The following BCAS3 variants were observed in gnomAD, a reference collection of about 807,000 sequenced individuals.
BCAS3 encodes BCAS3 microtubule associated cell migration factor.
Under a neutral mutation model 116.1 loss-of-function variants are expected in BCAS3, and 53 were observed. The ratio of observed to expected loss-of-function variants is 0.46; its 90% CI spans 0.37 to 0.57. BCAS3 has a LOEUF of 0.57. BCAS3 is among the 20% of genes least tolerant of loss of function. The pLI is 0.00. For synonymous variants in BCAS3, 391 were observed against 408.2 expected (o/e 0.96, Z 0.51); for missense variants, 917 against 1,165.4 (o/e 0.79, Z 3.10).
intron 7 of BCAS3, among the ~76,000 whole-genome samples, chr17:60,829,153 A>C (rs1568338170): frequency 6.6e-6 from 1 of 152,118 alleles, no homozygotes; most frequent in Non-Finnish European, 1.5e-5. Flanking sequence ...AGGAGAGTGA[A>C]ACAGTAAAAA....
chr17:60,865,233 A>G (rs1312313400), intron 7 of BCAS3, among the ~76,000 whole-genome samples: 2 of 152,186 alleles, frequency 1.3e-5, no homozygotes, highest in Non-Finnish European at 2.9e-5. Flanking sequence ...AAGCACAGTA[A>G]AGTGAGGTGC....
At chr17:60,703,840 A>G (rs12452687) in intron 4 of BCAS3, among the ~76,000 whole-genome samples, 11 of 150,498 alleles carry the variant, frequency 7.3e-5, no homozygotes, top group Non-Finnish European at 1.3e-4. Context: ...CGTGAACCCG[A>G]GAGGCGGAGC....
At chr17:60,764,395 G>A (rs993923177) in intron 6 of BCAS3, among the ~76,000 whole-genome samples, 2 of 152,100 alleles carry the variant, frequency 1.3e-5, no homozygotes, top group Middle Eastern at 3.2e-3. Flanking sequence ...TGTATGTTGT[G>A]TCTTTGTTCT....
intron 19 of BCAS3, among the ~76,000 whole-genome samples, chr17:61,061,712 A>G (rs1418094074): frequency 6.6e-6 from 1 of 152,230 alleles, no homozygotes; most frequent in African/African-American, 2.4e-5. Context: ...TATTCCTGAA[A>G]GAAATGCATC....
At chr17:61,290,958 T>A (rs941189684) in intron 22 of BCAS3, among the ~76,000 whole-genome samples, 27 of 152,144 alleles carry the variant, frequency 1.8e-4, no homozygotes, top group African/African-American at 6.5e-4. Context: ...TTTTTTGTAT[T>A]TTTAGTAGAG....
intron 22 of BCAS3, among the ~76,000 whole-genome samples, chr17:61,237,725 A>G (rs56146330): frequency 0.059 from 9,061 of 152,310 alleles, 375 homozygotes; most frequent in Middle Eastern, 0.13. Context: ...TAACTTTCCC[A>G]AGACTGCTCA....
rs1353926655 is a variant in BCAS3, at chr17:61,387,642, G to T, written c.2594-4335G>T. 6.6e-6 allele frequency among the ~76,000 whole-genome samples: 1 copy of T among 152,190 alleles called. No homozygotes were observed. The highest frequency in any genetic ancestry group is 1.5e-5 in the Non-Finnish European group (1 of 68,030). ...CCAAGGCATAGAGGGGCAGCTGCGG[G>T]TAACAGGCCCATTTCCAATATGAGC... On this transcript the variant is annotated intron_variant, in intron 23 of 23. Transcript: ENST00000407086. This position sits in a 1 kb window ranked among gnomAD's most constrained non-coding sequence, Gnocchi z 6.2.
rs886766962 is a variant in BCAS3, at chr17:61,014,659, A to G, written c.1487-1092A>G. ...GTAGGTCAGTGAGGAGGAAAAAAAAAAAGGGCATCTAGACTGGAAAGGCAG... is the reference window on the plus strand; with the variant it reads ...GTAGGTCAGTGAGGAGGAAAAAAAAGAAGGGCATCTAGACTGGAAAGGCAG... On this transcript the variant is annotated intron_variant, in intron 15 of 23. Coordinates refer to ENST00000407086, the MANE Select transcript of BCAS3 (RefSeq NM_017679.5). Among the ~76,000 whole-genome samples, 42 of 152,212 alleles carry G rather than the reference A, an allele frequency of 2.8e-4. 1 individual carries two copies. The highest frequency in any genetic ancestry group is 4.3e-4 in the Non-Finnish European group (29 of 67,998).
chr17:60,971,023 T>C (rs1411984297), intron 14 of BCAS3, among the ~76,000 whole-genome samples: 1 of 152,198 alleles, frequency 6.6e-6, no homozygotes. Flanking sequence ...TATGGATGGA[T>C]TTGGATGGCA....
At chr17:60,726,321 C>T (rs767317335) in intron 5 of BCAS3, among the ~76,000 whole-genome samples, 1 of 148,632 alleles carries the variant, frequency 6.7e-6, no homozygotes, top group Non-Finnish European at 1.5e-5. Context: ...CTGCCTTAGC[C>T]TCCCGAGTAG....
chr17:60,989,460 G>GT (rs1391130500), intron 14 of BCAS3, among the ~76,000 whole-genome samples: 1 of 147,252 alleles, frequency 6.8e-6, no homozygotes, highest in Non-Finnish European at 1.5e-5. Flanking sequence ...CTCACCACTT[G>GT]TTTTTTGTAA....
chr17:60,945,726 A>G (rs1183068375), intron 13 of BCAS3, among the ~76,000 whole-genome samples: 1 of 151,414 alleles, frequency 6.6e-6, no homozygotes, highest in African/African-American at 2.4e-5. Context: ...TGTTGAACCC[A>G]GGAAGTGGAG....
intron 6 of BCAS3, among the ~76,000 whole-genome samples, chr17:60,787,843 T>C (rs1271530909): frequency 6.6e-6 from 1 of 151,088 alleles, no homozygotes; most frequent in Non-Finnish European, 1.5e-5. Flanking sequence ...GAGTGAGCAG[T>C]GTGGGGAAAT....
intron 12 of BCAS3, among the ~76,000 whole-genome samples, chr17:60,921,088 T>C (rs531009433): frequency 6.6e-6 from 1 of 151,990 alleles, no homozygotes. Flanking sequence ...GGAAAATAAA[T>C]GGCTCTACCA....
Position 61,337,438 on chromosome 17 carries a change from G to T in BCAS3, c.2426-30889G>T, listed in dbSNP as rs992651516. 6.6e-6 allele frequency among the ~76,000 whole-genome samples: 1 copy of T among 152,200 alleles called. No individual in the cohort carries two copies. The highest frequency in any genetic ancestry group is 2.4e-5 in the African/African-American group (1 of 41,452). ...CCAAGAGAGGTGGCCAAAGAAGTCA[G>T]CTTGCAGCCTCTAGGAGGAGACGCT... On this transcript the variant is annotated intron_variant, in intron 22 of 23. Coordinates refer to ENST00000407086, the MANE Select transcript of BCAS3 (RefSeq NM_017679.5). The surrounding 1 kb of genome is among the most constrained non-coding windows in gnomAD (Gnocchi z 4.8).
At chr17:60,954,580 C>G (rs2061023877) in intron 14 of BCAS3, among the ~76,000 whole-genome samples, 1 of 152,088 alleles carries the variant, frequency 6.6e-6, no homozygotes, top group Non-Finnish European at 1.5e-5. Flanking sequence ...ACTAGTAGTT[C>G]CTTGATTAGA....
rs975274739 is a variant in BCAS3 at position 60,993,121 on chromosome 17, A to G, written c.1486+2886A>G. On this transcript the variant is annotated intron_variant, in intron 15 of 23. Transcript: ENST00000407086. This position sits in a 1 kb window ranked among gnomAD's most constrained non-coding sequence, Gnocchi z 4.2. ...GAGGTTTTTGTGTTAAGATTCAAGC[A>G]TAATGTGCACAAAAGATTGTGGGCA... 5.3e-5 allele frequency among the ~76,000 whole-genome samples: 8 copies of G among 152,220 alleles called. No homozygotes were observed. The highest frequency in any genetic ancestry group is 1.9e-4 in the African/African-American group (8 of 41,460).
intron 13 of BCAS3, among the ~76,000 whole-genome samples, chr17:60,933,290 A>C (rs55680322): frequency 6.6e-6 from 1 of 152,256 alleles, no homozygotes; most frequent in Admixed American, 6.5e-5. Flanking sequence ...CGTTAGAAAC[A>C]TAAGGAAGAA....
intron 6 of BCAS3, among the ~76,000 whole-genome samples, chr17:60,802,295 A>AAATAT (rs1299403402): frequency 6.9e-4 from 88 of 127,938 alleles, no homozygotes; most frequent in African/African-American, 3.0e-3. Flanking sequence ...AAAAAAAAAA[A>AAATAT]ATATATATAT....
Sources: gnomAD v4.1 joint callset for allele counts (sites outside exome capture counted in the v4.1 genomes callset) on GRCh38, gnomAD v4.1.1 for gene constraint, Gnocchi (gnomAD v3.1) non-coding constraint, MANE v1.5 for transcripts, NCBI Gene and HGNC (gene_info 2026-07-23, HGNC 2026-07-21) for gene names.